The following DACT2 variants were observed in gnomAD, a reference collection of about 807,000 sequenced individuals.
DACT2 encodes the protein dapper homolog 2.
Under a neutral mutation model 22.2 loss-of-function variants are expected in DACT2, and 20 were observed. That is an observed-to-expected ratio of 0.90 (90% CI 0.63 to 1.31). The LOEUF is 1.31. DACT2 is among the 50% of genes most tolerant of loss of function. The pLI is 0.00. For missense variants in DACT2, 1,048 were observed against 1,061.4 expected (o/e 0.99, Z 0.18); for synonymous variants, 463 against 479.8 (o/e 0.96, Z 0.46).
rs557859663 is a variant in DACT2 at position 168,310,179 on chromosome 6, G to C, written c.647C>G (p.Pro216Arg). 4.8e-5 allele frequency: 74 copies of C among 1,550,024 alleles called. No individual in the cohort carries two copies. In the East Asian group the frequency reaches 1.7e-3, roughly 36 times the overall value. The change falls in exon 3 of 4, where the codon CCT becomes CGT. Residue 216 changes from proline (P) to arginine (R), a missense_variant. Transcript: ENST00000366795. ...TGGCAGTTTCTTACCTGTAGACACA[G>C]GCCTGGGCCAGAATGTGCCCCACGG... Reference protein sequence around the residue: ...GQPWGTFWPRPVSTGDLDRAL... With the variant: ...GQPWGTFWPRRVSTGDLDRAL...
At chr6:168,294,159 C>T (rs989941329) in exon 5 of DACT2, 1 of 702,850 alleles carries the variant, frequency 1.4e-6, no homozygotes, top group Admixed American at 2.0e-5. Context: ...AGCTGACAGC[C>T]ACAGAGGCCA....
chr6:168,302,235 G>A (rs966260017), downstream of DACT2: 1 of 152,328 alleles, frequency 6.6e-6, no homozygotes, highest in African/African-American at 2.4e-5. Context: ...GTCAGCAGCT[G>A]TGGTATTACA....
At chr6:168,315,689 G>A (rs1015050517) in intron 1 of DACT2, among the ~76,000 whole-genome samples, 6 of 152,168 alleles carry the variant, frequency 3.9e-5, no homozygotes, top group South Asian at 2.1e-4. Flanking sequence ...CTATTTTCCT[G>A]ACTGTTTAAA....
intron 4 of DACT2, chr6:168,294,257 A>C (rs1340280652): frequency 7.1e-6 from 5 of 702,686 alleles, no homozygotes; most frequent in Non-Finnish European, 1.3e-5. Context: ...GCTCTGTCAC[A>C]TCTGTCCCCG....
Position 168,308,660 on chromosome 6 carries a change from T to G in DACT2, c.1097A>C (p.Gln366Pro), listed in dbSNP as rs1474016416. ...GTCTGTACTCCAGCCACCCTGCCTC[T>G]GTGGAGATGGGGACGCTGCATGCCT... The part of the protein sequence containing the change: ...PLRHAASPSP[Q>P]RQGGWSTDGG... Residue 366 changes from glutamine (Q) to proline (P), a missense_variant, in exon 4 of 4, where the codon CAG becomes CCG. Gln to Pro is a moderately conservative substitution (Grantham distance 76). Coordinates refer to ENST00000366795, the MANE Select transcript of DACT2 (RefSeq NM_214462.5). The G allele has an allele frequency of 1.4e-5, 22 of 1,544,928 alleles. No individual in the cohort carries two copies. Among genetic ancestry groups the G allele is most frequent in the Non-Finnish European group, 1.8e-5 (21 of 1,146,956 alleles).
At chr6:168,314,968 C>T (rs575328031) in intron 1 of DACT2, among the ~76,000 whole-genome samples, 14 of 152,244 alleles carry the variant, frequency 9.2e-5, no homozygotes, top group Non-Finnish European at 1.8e-4. Context: ...AATGCGTGGC[C>T]CTGAGCAAGT....
chr6:168,297,666 G>C (rs1381725106), intron 3 of DACT2, among the ~76,000 whole-genome samples: 3 of 152,268 alleles, frequency 2.0e-5, no homozygotes, highest in Non-Finnish European at 4.4e-5. Context: ...GTTTGTGACA[G>C]ATGAAACACA....
rs1386280398 is a variant in DACT2 at position 168,319,770 on chromosome 6, T to G, written c.-137A>C. ...GGCTCCGCAGGTCGCCAAGGTGGGC[T>G]GGAATCTGTGGCCAGGCGCGGAGGG... On this transcript the variant is annotated 5_prime_UTR_variant, in exon 1 of 4. Coordinates refer to ENST00000366795, the MANE Select transcript of DACT2 (RefSeq NM_214462.5). The G allele has an allele frequency of 8.6e-7, 1 of 1,164,474 alleles. No individual in the cohort carries two copies. Among genetic ancestry groups the G allele is most frequent in the Admixed American group, 4.6e-5 (1 of 21,588 alleles). 72.1% of individuals were successfully genotyped at this position (1,164,474 alleles called of 1,614,324 possible). A position where few individuals can be genotyped will look rare whatever the true frequency, so the allele number is the denominator to read the frequency against.
At chr6:168,311,110 C>T (rs766365971) in intron 2 of DACT2, 42 bp downstream of exon 2, 11 of 1,488,174 alleles carry the variant, frequency 7.4e-6, no homozygotes, top group South Asian at 5.1e-5. Context: ...GCCTGTGCTG[C>T]GTGCCTGCCC....
downstream of DACT2, among the ~76,000 whole-genome samples, chr6:168,302,664 A>T (rs1583291985): frequency 6.6e-6 from 1 of 152,196 alleles, no homozygotes; most frequent in East Asian, 1.9e-4. Context: ...TGCCTTAAGG[A>T]GCCCCAGTGC....
exon 4 of DACT2, chr6:168,294,687 C>T: frequency 6.7e-7 from 1 of 1,498,050 alleles, no homozygotes; most frequent in Non-Finnish European, 8.9e-7. Flanking sequence ...TCAAGTTCAC[C>T]TGGAGCATTG....
intron 1 of DACT2, among the ~76,000 whole-genome samples, chr6:168,314,961 G>A: frequency 6.6e-6 from 1 of 152,192 alleles, no homozygotes; most frequent in East Asian, 1.9e-4. Context: ...TGGCTCTAAT[G>A]CGTGGCCCTG....
rs550211485 is a variant in DACT2 at position 168,307,503 on chromosome 6, C to T, written c.2254G>A (p.Ala752Thr). The change falls in exon 4 of 4, where the codon GCC becomes ACC. Residue 752 changes from alanine (A) to threonine (T), a missense_variant. Physicochemically the swap from Ala to Thr is moderately conservative, Grantham distance 58. Transcript: ENST00000366795. The surrounding 1 kb of genome is among the most constrained non-coding windows in gnomAD (Gnocchi z 5.3). ...ATCTTCTTCTTCAGGGCCTTGGAGG[C>T]CTTAATACGGCACAGCTTGGGCACG... The part of the protein sequence containing the change: ...SPVPKLCRIK[A>T]SKALKKKIRR... 12 of 1,551,624 alleles carry T rather than the reference C, an allele frequency of 7.7e-6. No individual in the cohort carries two copies. In the South Asian group the frequency reaches 1.4e-4, roughly 18 times the overall value.
At position 168,307,819 on chromosome 6, in the gene DACT2, GC is replaced by G; in HGVS notation, c.1937del (p.Gly646AlafsTer111). 1 of 1,539,404 alleles carries G rather than the reference GC, an allele frequency of 6.5e-7. No individual in the cohort carries two copies. On this transcript the variant is annotated frameshift_variant, in exon 4 of 4. Coordinates refer to ENST00000366795, the MANE Select transcript of DACT2 (RefSeq NM_214462.5). LOFTEE classifies it low-confidence loss of function (END_TRUNC). This position sits in a 1 kb window ranked among gnomAD's most constrained non-coding sequence, Gnocchi z 5.3. ...CGTCCTGGCGGACCAGTGAGGGACG[GC>G]CCCGGGCCAGTGGGCCACCTGCTCT... ...ARRAGGPLAR[G>X]RPSLVRQDAY...
intron 3 of DACT2, among the ~76,000 whole-genome samples, chr6:168,295,802 T>TATTCAAA (rs1778998149): frequency 6.6e-6 from 1 of 152,232 alleles, no homozygotes; most frequent in African/African-American, 2.4e-5. Flanking sequence ...CTGCGATATT[T>TATTCAAA]GGCTGAGAGT....
At chr6:168,305,930 T>C (rs776403978), downstream of DACT2, among the ~76,000 whole-genome samples, 21 of 151,906 alleles carry the variant, frequency 1.4e-4, no homozygotes, top group Non-Finnish European at 2.9e-4. Flanking sequence ...GCTCAATGGG[T>C]GTTTGAATCT....
At chr6:168,294,010 T>C (rs1472496307) in intron 5 of DACT2, 2 of 703,076 alleles carry the variant, frequency 2.8e-6, no homozygotes, top group African/African-American at 3.5e-5. Flanking sequence ...AACACGCACG[T>C]CTGCTACTGC....
downstream of DACT2, among the ~76,000 whole-genome samples, chr6:168,304,908 A>G (rs993005066): frequency 3.3e-5 from 5 of 152,344 alleles, no homozygotes; most frequent in East Asian, 9.6e-4. Context: ...GAACCCTCCG[A>G]GGACCCCCAT....
rs1383023976 is a variant in DACT2 at position 168,310,195 on chromosome 6, T to C, written c.631A>G (p.Thr211Ala). 6.4e-6 allele frequency: 10 copies of C among 1,550,562 alleles called. No homozygotes were observed. Among genetic ancestry groups the C allele is most frequent in the Non-Finnish European group, 8.7e-6 (10 of 1,146,930 alleles). The change falls in exon 3 of 4, where the codon ACA becomes GCA. Residue 211 changes from threonine (T) to alanine (A), a missense_variant. Coordinates refer to ENST00000366795, the MANE Select transcript of DACT2 (RefSeq NM_214462.5). ...SVEDAGQPWGTFWPRPVSTGD... is the reference protein window; with the variant it reads ...SVEDAGQPWGAFWPRPVSTGD... The stretch of plus-strand genomic sequence containing the variant: ...GTAGACACAGGCCTGGGCCAGAATG[T>C]GCCCCACGGCTGGCCTGCATCCTCC...
Sources: gnomAD v4.1 joint callset for allele counts (sites outside exome capture counted in the v4.1 genomes callset) on GRCh38, gnomAD v4.1.1 for gene constraint, Gnocchi (gnomAD v3.1) non-coding constraint, MANE v1.5 for transcripts, NCBI Gene and HGNC (gene_info 2026-07-23, HGNC 2026-07-21) for gene names.